PPM1H: variants seen among roughly 807,000 people sequenced by gnomAD.
PPM1H encodes protein phosphatase 1H.
In PPM1H, 27 loss-of-function variants were observed where a neutral mutation model predicts 54.9. The ratio of observed to expected loss-of-function variants is 0.49; its 90% CI spans 0.36 to 0.68. The LOEUF (loss-of-function observed/expected upper bound fraction) is 0.68, where lower values mean the gene tolerates loss of function less well. PPM1H is among the 30% of genes least tolerant of loss of function. The pLI is 0.00. For synonymous variants in PPM1H, 305 were observed against 270.8 expected, an observed-to-expected ratio of 1.13 and a Z score of -1.24; for missense variants, 596 against 667.8, an observed-to-expected ratio of 0.89 and a Z score of 1.19.
At chr12:62,861,132 G>T (rs971379795) in intron 1 of PPM1H, among the ~76,000 whole-genome samples, 2 of 152,192 alleles carry the variant, frequency 1.3e-5, no homozygotes, top group African/African-American at 4.8e-5. Context: ...CTTAAAAATT[G>T]AACTAGACTA....
intron 2 of PPM1H, among the ~76,000 whole-genome samples, chr12:62,828,930 A>G (rs531787181): frequency 1.8e-4 from 26 of 147,148 alleles, no homozygotes; most frequent in Admixed American, 1.7e-3. Flanking sequence ...AATGATTACT[A>G]TTAAAAAAAG....
intron 6 of PPM1H, among the ~76,000 whole-genome samples, chr12:62,708,974 G>A (rs2076191449): frequency 1.3e-5 from 2 of 152,032 alleles, no homozygotes; most frequent in Admixed American, 6.6e-5. Context: ...CCACCCTTAA[G>A]GTGTGGAGCT....
chr12:62,833,482 A>T (rs1868412052), intron 1 of PPM1H, among the ~76,000 whole-genome samples: 1 of 152,140 alleles, frequency 6.6e-6, no homozygotes, highest in Admixed American at 6.6e-5. Context: ...TACAATATCA[A>T]AACTGAGAAA....
chr12:62,874,063 T>G (rs1202305266), intron 1 of PPM1H, among the ~76,000 whole-genome samples: 1 of 152,106 alleles, frequency 6.6e-6, no homozygotes, highest in East Asian at 1.9e-4. Flanking sequence ...TAATGAGATA[T>G]TCCACAGGCA....
At chr12:62,793,311 T>C (rs1235093050) in intron 3 of PPM1H, among the ~76,000 whole-genome samples, 3 of 152,094 alleles carry the variant, frequency 2.0e-5, no homozygotes, top group African/African-American at 4.8e-5. Context: ...TTATCTTCTG[T>C]TGTGTCTGCT....
intron 1 of PPM1H, among the ~76,000 whole-genome samples, chr12:62,856,871 A>G (rs1869409377): frequency 6.6e-6 from 1 of 152,192 alleles, no homozygotes; most frequent in African/African-American, 2.4e-5. Flanking sequence ...TCACAAGAGC[A>G]GGAAAGATCC....
intron 4 of PPM1H, among the ~76,000 whole-genome samples, chr12:62,784,624 G>C (rs1043858107): frequency 6.6e-6 from 1 of 152,170 alleles, no homozygotes; most frequent in African/African-American, 2.4e-5. Flanking sequence ...GCGGCTCTAA[G>C]CATTTGTTTT....
At chr12:62,832,408 A>T in intron 1 of PPM1H, 129 bp from the exon 2 acceptor site, 1 of 823,288 alleles carries the variant, frequency 1.2e-6, no homozygotes, top group Non-Finnish European at 1.9e-6. Context: ...TGCTAAGAAC[A>T]TTATGGTCTT....
At chr12:62,740,375 TACA>T (rs2120536302) in intron 4 of PPM1H, among the ~76,000 whole-genome samples, 1 of 152,314 alleles carries the variant, frequency 6.6e-6, no homozygotes, top group South Asian at 2.1e-4. Flanking sequence ...GCACCAGGGA[TACA>T]ACTTCTTCTC....
intron 1 of PPM1H, among the ~76,000 whole-genome samples, chr12:62,923,934 A>C (rs1017925332): frequency 8.3e-6 from 1 of 120,444 alleles, no homozygotes; most frequent in Admixed American, 1.0e-4. Context: ...AAATAGAAAC[A>C]ATATTTTCAT....
At chr12:62,768,580 A>G (rs1342562005) in intron 4 of PPM1H, among the ~76,000 whole-genome samples, 3 of 152,002 alleles carry the variant, frequency 2.0e-5, no homozygotes, top group Non-Finnish European at 4.4e-5. Context: ...GCTTGAACCC[A>G]GGAGGTGGAG....
chr12:62,839,714 ACCC>A (rs1868652497), intron 1 of PPM1H, among the ~76,000 whole-genome samples: 1 of 151,604 alleles, frequency 6.6e-6, no homozygotes, highest in African/African-American at 2.4e-5. Flanking sequence ...ACTCTCAAGG[ACCC>A]TATAGTCATT....
intron 5 of PPM1H, among the ~76,000 whole-genome samples, chr12:62,734,152 GAAAAT>G (rs1162647656): frequency 6.9e-6 from 1 of 145,296 alleles, no homozygotes; most frequent in Non-Finnish European, 1.5e-5. Flanking sequence ...TTTTTTTAAA[GAAAAT>G]AAAAAAAAAA....
chr12:62,720,342 C>T, intron 5 of PPM1H, 53 bp from the exon 6 acceptor site: 2 of 1,352,124 alleles, frequency 1.5e-6, no homozygotes, highest in Middle Eastern at 1.8e-4. Context: ...TTTAGAGAAA[C>T]AAAATAAGAA....
intron 2 of PPM1H, among the ~76,000 whole-genome samples, chr12:62,810,629 C>T (rs748184636): frequency 5.8e-4 from 88 of 152,180 alleles, no homozygotes; most frequent in Non-Finnish European, 9.7e-4. Flanking sequence ...AGTCCAAGGG[C>T]AATTTTAGTT....
At chr12:62,882,814 G>A (rs545254378) in intron 1 of PPM1H, among the ~76,000 whole-genome samples, 30 of 152,280 alleles carry the variant, frequency 2.0e-4, no homozygotes, top group African/African-American at 7.0e-4. Context: ...GAAATACTGA[G>A]CAATTTTCCA....
chr12:62,777,445 AG>A (rs2076617619), intron 4 of PPM1H, among the ~76,000 whole-genome samples: 1 of 152,174 alleles, frequency 6.6e-6, no homozygotes, highest in Non-Finnish European at 1.5e-5. Flanking sequence ...GGCTCATGGA[AG>A]GCATAAAAAT....
At chr12:62,834,032 C>A (rs938836812) in intron 1 of PPM1H, among the ~76,000 whole-genome samples, 4 of 152,160 alleles carry the variant, frequency 2.6e-5, no homozygotes, top group African/African-American at 4.8e-5. Flanking sequence ...CTGGTCCTAT[C>A]GGGTTTACTA....
intron 3 of PPM1H, among the ~76,000 whole-genome samples, chr12:62,795,884 G>A (rs577887997): frequency 1.3e-5 from 2 of 152,078 alleles, no homozygotes; most frequent in Admixed American, 1.3e-4. Context: ...GTACCACCAC[G>A]CCTGGCTAAA....
Sources: allele counts gnomAD v4.1 joint callset (sites outside exome capture counted in the v4.1 genomes callset), GRCh38; gene constraint gnomAD v4.1.1; transcripts MANE v1.5; gene names NCBI Gene and HGNC (gene_info 2026-07-23, HGNC 2026-07-21).